Variants in NRXN3 observed in about 807,000 individuals in gnomAD.
NRXN3 encodes the protein neurexin III.
Under a neutral mutation model 137.6 loss-of-function variants are expected in NRXN3, and 32 were observed. That is an observed-to-expected ratio of 0.23 (90% CI 0.18 to 0.31). The LOEUF (loss-of-function observed/expected upper bound fraction) is 0.31. NRXN3 is among the 10% of genes least tolerant of loss of function. The pLI, the probability that NRXN3 is intolerant of heterozygous loss-of-function variation, is 1.00. For missense variants in NRXN3, 1,574 were observed against 2,062.5 expected (o/e 0.76, Z 4.59); for synonymous variants, 798 against 784.5 (o/e 1.02, Z -0.29).
chr14:78,661,210 A>G (rs2097838652), intron 6 of NRXN3, among the ~76,000 whole-genome samples: 1 of 152,244 alleles, frequency 6.6e-6, no homozygotes, highest in Non-Finnish European at 1.5e-5. Flanking sequence ...AAGAGTGATC[A>G]ATATAACTGC....
intron 15 of NRXN3, among the ~76,000 whole-genome samples, chr14:79,043,501 G>T (rs1235518528): frequency 6.6e-6 from 1 of 152,154 alleles, no homozygotes; most frequent in Non-Finnish European, 1.5e-5. Flanking sequence ...GCAACTGGAG[G>T]TCCTGAAATT....
At chr14:79,131,029 T>C (rs1446139535) in intron 15 of NRXN3, among the ~76,000 whole-genome samples, 1 of 152,238 alleles carries the variant, frequency 6.6e-6, no homozygotes, top group Non-Finnish European at 1.5e-5. Context: ...TTCAGCTCCA[T>C]CAGCTCCTTT....
At chr14:78,298,494 C>T (rs528055414) in intron 4 of NRXN3, among the ~76,000 whole-genome samples, 1 of 152,338 alleles carries the variant, frequency 6.6e-6, no homozygotes, top group South Asian at 2.1e-4. Context: ...TCAGCATCTG[C>T]AACCTAAAAT....
chr14:78,734,519 T>A (rs1394109431), intron 8 of NRXN3, among the ~76,000 whole-genome samples: 1 of 152,170 alleles, frequency 6.6e-6, no homozygotes, highest in African/African-American at 2.4e-5. Flanking sequence ...GATGCATCTT[T>A]GGCCTCATGG....
At chr14:78,511,517 G>A (rs537251660) in intron 4 of NRXN3, among the ~76,000 whole-genome samples, 2 of 152,268 alleles carry the variant, frequency 1.3e-5, no homozygotes, top group Non-Finnish European at 2.9e-5. Flanking sequence ...GGCTGTTGAA[G>A]GCTCTGCCAT....
At chr14:79,843,672 A>G (rs774976842) in intron 20 of NRXN3, among the ~76,000 whole-genome samples, 5 of 152,250 alleles carry the variant, frequency 3.3e-5, no homozygotes, top group Non-Finnish European at 7.3e-5. Flanking sequence ...AGCAGTGTTC[A>G]CAGCATCTTC....
intron 16 of NRXN3, among the ~76,000 whole-genome samples, chr14:79,596,310 A>AT (rs1429211949): frequency 6.6e-6 from 1 of 152,204 alleles, no homozygotes; most frequent in East Asian, 1.9e-4. Flanking sequence ...CCTTGGGGAA[A>AT]TTGCTTAACT....
intron 15 of NRXN3, among the ~76,000 whole-genome samples, chr14:79,446,820 A>G (rs2096070859): frequency 6.6e-6 from 1 of 152,200 alleles, no homozygotes; most frequent in African/African-American, 2.4e-5. Flanking sequence ...ATTCTAGAAG[A>G]TTTTAAAAAA....
intron 8 of NRXN3, among the ~76,000 whole-genome samples, chr14:78,794,606 T>TTG (rs144494895): frequency 0.052 from 7,639 of 146,982 alleles, 506 homozygotes; most frequent in African/African-American, 0.16. Flanking sequence ...TCTATTCTAT[T>TTG]TGTGTGTGTG....
intron 4 of NRXN3, among the ~76,000 whole-genome samples, chr14:78,438,181 A>G (rs954222452): frequency 6.6e-6 from 1 of 152,192 alleles, no homozygotes; most frequent in Non-Finnish European, 1.5e-5. Context: ...TCAGGTTTCT[A>G]TGACACCTGA....
chr14:79,337,842 G>A (rs1435079415), intron 15 of NRXN3, among the ~76,000 whole-genome samples: 5 of 152,174 alleles, frequency 3.3e-5, no homozygotes, highest in African/African-American at 7.2e-5. Context: ...TTTTCATACC[G>A]TATTACTGGT....
Position 78,669,591 on chromosome 14 carries a change from T to G in NRXN3, c.1221+18265T>G, listed in dbSNP as rs563422624. On this transcript the variant is annotated intron_variant, in intron 6 of 20. Transcript: ENST00000335750. ...GATTATTACAGGTCTGAGGCCTGTT[T>G]GTCCGGATGATTTTAGTTCACACCC... 1.8e-4 allele frequency among the ~76,000 whole-genome samples: 27 copies of G among 152,280 alleles called. No individual in the cohort carries two copies. The Middle Eastern group carries it at 0.017, about 96-fold the overall frequency.
intron 4 of NRXN3, among the ~76,000 whole-genome samples, chr14:78,619,655 C>A (rs889527473): frequency 6.6e-6 from 1 of 151,996 alleles, no homozygotes; most frequent in South Asian, 2.1e-4. Context: ...CTCTTGCCCT[C>A]TTTGCTTGGC....
At chr14:79,617,657 T>A (rs1453661660) in intron 16 of NRXN3, among the ~76,000 whole-genome samples, 3 of 152,072 alleles carry the variant, frequency 2.0e-5, no homozygotes, top group African/African-American at 7.3e-5. Flanking sequence ...CACTCACTGA[T>A]GAGTCTTTCC....
intron 15 of NRXN3, among the ~76,000 whole-genome samples, chr14:79,288,773 A>G (rs2082694292): frequency 6.6e-6 from 1 of 152,224 alleles, no homozygotes; most frequent in African/African-American, 2.4e-5. Context: ...TTTCCAAAGC[A>G]TCTACAAGAC....
At chr14:78,624,331 A>G (rs2097433449) in intron 4 of NRXN3, among the ~76,000 whole-genome samples, 1 of 152,220 alleles carries the variant, frequency 6.6e-6, no homozygotes. Flanking sequence ...CTCCTTTAAA[A>G]AATGCAAATT....
intron 10 of NRXN3, among the ~76,000 whole-genome samples, chr14:78,868,794 C>T (rs1219668224): frequency 1.3e-5 from 2 of 151,376 alleles, no homozygotes; most frequent in South Asian, 2.1e-4. Context: ...GCACTCCAGC[C>T]AGGGCAAAAA....
intron 16 of NRXN3, among the ~76,000 whole-genome samples, chr14:79,472,604 G>T (rs903786432): frequency 2.0e-5 from 3 of 152,158 alleles, no homozygotes; most frequent in Non-Finnish European, 2.9e-5. Context: ...GGGTGTCTTA[G>T]GGTAGAGGAA....
intron 10 of NRXN3, among the ~76,000 whole-genome samples, chr14:78,815,849 T>C (rs1177777571): frequency 5.9e-5 from 9 of 152,194 alleles, no homozygotes. Flanking sequence ...AGAACCCTCT[T>C]TGGTATCCAT....
Sources: allele counts gnomAD v4.1 joint callset (sites outside exome capture counted in the v4.1 genomes callset), GRCh38; gene constraint gnomAD v4.1.1; transcripts MANE v1.5; gene names NCBI Gene and HGNC (gene_info 2026-07-23, HGNC 2026-07-21).